The following LANCL2 variants were observed in gnomAD, a reference collection of about 807,000 sequenced individuals.
LANCL2 encodes LanC like glutathione S-transferase 2, also known as lanC-like protein 2.
In LANCL2, 33 loss-of-function variants were observed where a neutral mutation model predicts 56.9. The observed-to-expected ratio is 0.58, with a 90% CI of 0.44 to 0.78. LANCL2 has a LOEUF of 0.78. Ranked by LOEUF, LANCL2 falls within the 30% of genes least tolerant of loss-of-function variation. The pLI is 0.00. For missense variants in LANCL2, 562 were observed against 580.2 expected, an observed-to-expected ratio of 0.97 and a Z score of 0.32; for synonymous variants, 233 against 228.2, an observed-to-expected ratio of 1.02 and a Z score of -0.19.
rs1300818774 is a variant in LANCL2 at position 55,398,526 on chromosome 7, C to G, written c.426C>G (p.Gly142=). The change falls in exon 3 of 9, where the codon GGC becomes GGG. Residue 142 remains glycine, a synonymous_variant. Coordinates refer to ENST00000254770, the MANE Select transcript of LANCL2 (RefSeq NM_018697.4). ...YVKRTLRNLN[G]RRVTFLCGDA... is the part of the protein sequence containing the mutation. ...AAAGAACACTTCGGAATCTGAATGG[C>G]CGCAGGGTCACCTTCCTCTGTGGGG... 1 of 1,614,148 alleles carries G rather than the reference C, an allele frequency of 6.2e-7. No homozygotes were observed. The highest frequency in any genetic ancestry group is 8.5e-7 in the Non-Finnish European group (1 of 1,179,996).
intron 1 of LANCL2, among the ~76,000 whole-genome samples, chr7:55,379,401 A>G (rs1790040445): frequency 6.6e-6 from 1 of 152,214 alleles, no homozygotes; most frequent in Non-Finnish European, 1.5e-5. Context: ...TTTAGGTCTC[A>G]TGGGTCAGAA....
chr7:55,409,314 G>A (rs1264963408), intron 5 of LANCL2, among the ~76,000 whole-genome samples: 3 of 151,672 alleles, frequency 2.0e-5, no homozygotes, highest in African/African-American at 2.4e-5. Flanking sequence ...GGACGGTCTC[G>A]ATCTGACCTC....
In LANCL2 at chr7:55,391,772, A is replaced by G. The variant is rs779409310; in HGVS notation, c.205-21A>G. On this transcript the variant is annotated intron_variant, in intron 1 of 8. Transcript: ENST00000254770. ...GTCCCATTCTTGTGAAGTTAAAGTT[A>G]TCTCTTCTTTTGGATCTCAGATCAT... is the stretch of plus-strand genomic sequence containing the variant. 6.2e-6 allele frequency: 8 copies of G among 1,285,074 alleles called. No homozygotes were observed. The South Asian group carries it at 8.3e-5, about 13-fold the overall frequency. 79.6% of individuals were successfully genotyped at this position (1,285,074 alleles called of 1,614,324 possible).
In LANCL2 at chr7:55,388,668, G is replaced by T. The variant is rs144611953; in HGVS notation, c.205-3125G>T. 9.6e-4 allele frequency among the ~76,000 whole-genome samples: 146 copies of T among 152,358 alleles called. 1 individual carries two copies. Among genetic ancestry groups the T allele is most frequent in the African/African-American group, 3.4e-3 (142 of 41,588 alleles). ...ATCCTTTATCTCCATCAGTCAGGGA[G>T]AGCCTTGACATCTCAGACCTACATG... On this transcript the variant is annotated intron_variant, in intron 1 of 8. Coordinates refer to ENST00000254770, the MANE Select transcript of LANCL2 (RefSeq NM_018697.4).
intron 1 of LANCL2, among the ~76,000 whole-genome samples, chr7:55,384,508 C>T (rs762918043): frequency 4.6e-5 from 7 of 151,806 alleles, no homozygotes; most frequent in South Asian, 4.2e-4. Context: ...GTCAAGATCA[C>T]GCCACTGCAC....
chr7:55,424,174 G>C (rs770390253), intron 6 of LANCL2, among the ~76,000 whole-genome samples: 24 of 152,214 alleles, frequency 1.6e-4, no homozygotes, highest in Non-Finnish European at 2.9e-4. Context: ...ACTAAGAACA[G>C]ACTCTGAGAA....
At position 55,409,325 on chromosome 7, in the gene LANCL2, A is replaced by G. The variant is rs144124697; in HGVS notation, c.826-2582A>G. 5.7e-4 allele frequency among the ~76,000 whole-genome samples: 87 copies of G among 151,846 alleles called. 2 individuals are homozygous for G. Among genetic ancestry groups the G allele is most frequent in the African/African-American group, 2.0e-3 (83 of 41,442 alleles). ...GCCAGGACGGTCTCGATCTGACCTC[A>G]TGATCCACCCGCCTCGGCCTCCCAA... On this transcript the variant is annotated intron_variant, in intron 5 of 8. Coordinates refer to ENST00000254770, the MANE Select transcript of LANCL2 (RefSeq NM_018697.4).
At chr7:55,374,648 A>C (rs943062403) in intron 1 of LANCL2, among the ~76,000 whole-genome samples, 3 of 152,200 alleles carry the variant, frequency 2.0e-5, no homozygotes, top group African/African-American at 7.2e-5. Context: ...AAGCAAGCCC[A>C]CACTCTTGCT....
intron 1 of LANCL2, among the ~76,000 whole-genome samples, chr7:55,374,111 G>T (rs1000742262): frequency 2.0e-5 from 3 of 152,166 alleles, no homozygotes; most frequent in Non-Finnish European, 4.4e-5. Context: ...CTTGTCTCTT[G>T]AACTGTAATT....
intron 2 of LANCL2, among the ~76,000 whole-genome samples, chr7:55,394,659 C>T (rs1009075335): frequency 2.6e-5 from 4 of 152,192 alleles, no homozygotes; most frequent in African/African-American, 9.6e-5. Context: ...AAAAAACAAG[C>T]AGCATCCAGA....
In LANCL2 at chr7:55,406,658, A is replaced by G. The variant is rs543751594; in HGVS notation, c.826-5249A>G. ...AGTAGTTTAGTCATGTAAAAGTGGT[A>G]GTTTCAACTGGAGGGTGTCGTTGGA... On this transcript the variant is annotated intron_variant, in intron 5 of 8. Coordinates refer to ENST00000254770, the MANE Select transcript of LANCL2 (RefSeq NM_018697.4). 5.9e-5 allele frequency among the ~76,000 whole-genome samples: 9 copies of G among 152,344 alleles called. No homozygotes were observed. In the South Asian group the frequency reaches 1.9e-3, roughly 32 times the overall value.
chr7:55,403,323 A>G (rs941608733), intron 5 of LANCL2, among the ~76,000 whole-genome samples: 22 of 152,156 alleles, frequency 1.4e-4, no homozygotes, highest in Non-Finnish European at 2.6e-4. Flanking sequence ...CGCGCCTGCA[A>G]TCGCAGGCAC....
intron 2 of LANCL2, 31 bp downstream of exon 2, chr7:55,391,941 A>C: frequency 8.7e-7 from 1 of 1,152,824 alleles, no homozygotes. Context: ...TCACTGATAC[A>C]TTTTATTCTT....
rs1020679214 is a variant in LANCL2, at chr7:55,386,598, T to G, written c.205-5195T>G. Among the ~76,000 whole-genome samples, 3 of 152,188 alleles carry G rather than the reference T, an allele frequency of 2.0e-5. No homozygotes were observed. The East Asian group carries it at 5.8e-4, about 29-fold the overall frequency. ...AGTTGGGCACAGGAGGGCTACATGT[T>G]CTGGACCCTGAAGAAAGACGGACTT... On this transcript the variant is annotated intron_variant, in intron 1 of 8. Transcript: ENST00000254770.
In LANCL2 at chr7:55,411,564, C is replaced by T. The variant is rs144102482; in HGVS notation, c.826-343C>T. 6.2e-4 allele frequency among the ~76,000 whole-genome samples: 94 copies of T among 152,216 alleles called. 2 individuals carry two copies. Among genetic ancestry groups the T allele is most frequent in the Middle Eastern group, 3.4e-3 (1 of 294 alleles). On this transcript the variant is annotated intron_variant, in intron 5 of 8. Transcript: ENST00000254770. ...TACCTGGCTTTTTAGGAGGTGTGAGCCCCATGGAAGGAAATCAAGTATTGG... is the reference window on the plus strand; with the variant it reads ...TACCTGGCTTTTTAGGAGGTGTGAGTCCCATGGAAGGAAATCAAGTATTGG...
intron 1 of LANCL2, among the ~76,000 whole-genome samples, chr7:55,391,038 A>G (rs963750996): frequency 8.5e-6 from 1 of 118,098 alleles, no homozygotes; most frequent in African/African-American, 3.4e-5. Context: ...TTTTTTTGAG[A>G]TGGAGTCTCG....
rs1161558109 is a variant in LANCL2 at position 55,432,311 on chromosome 7, G to A, written c.*991G>A. ...GGAAAGTTATCAAAATCTAAATTTG[G>A]AATGAATGCATTTCCTATTTTTTGT... On this transcript the variant is annotated 3_prime_UTR_variant, in exon 9 of 9. Transcript: ENST00000254770. 6.6e-6 allele frequency: 1 copy of A among 152,136 alleles called. No homozygotes were observed. Among genetic ancestry groups the A allele is most frequent in the Non-Finnish European group, 1.5e-5 (1 of 68,034 alleles). The allele number at this position is 152,136 out of a possible 1,614,324, so 9.4% of individuals were successfully genotyped here. A position where few individuals can be genotyped will look rare whatever the true frequency, so the allele number is the denominator to read the frequency against.
At position 55,392,080 on chromosome 7, in the gene LANCL2, C is replaced by T. The variant is rs969157461; in HGVS notation, c.322+170C>T. On this transcript the variant is annotated intron_variant, in intron 2 of 8. Transcript: ENST00000254770. ...GGCCGAGGCAGGTGGATCACCTGAG[C>T]TTAGGAATTCGAGACCAGCTTGGCC... Among the ~76,000 whole-genome samples, 6 of 152,096 alleles carry T rather than the reference C, an allele frequency of 3.9e-5. No homozygotes were observed. The South Asian group carries it at 1.2e-3, about 32-fold the overall frequency.
chr7:55,405,083 AC>A (rs1790389673), intron 5 of LANCL2, among the ~76,000 whole-genome samples: 2 of 152,220 alleles, frequency 1.3e-5, no homozygotes, highest in Non-Finnish European at 2.9e-5. Flanking sequence ...GGCTCACGCA[AC>A]CATGGAGTCC....
Sources: gnomAD v4.1 joint callset for allele counts (sites outside exome capture counted in the v4.1 genomes callset) on GRCh38, gnomAD v4.1.1 for gene constraint, MANE v1.5 for transcripts, NCBI Gene and HGNC (gene_info 2026-07-23, HGNC 2026-07-21) for gene names.